Variants in NDRG3 observed in about 807,000 individuals in gnomAD.
NDRG3 encodes NDRG family member 3.
In NDRG3, 23 loss-of-function variants were observed where a neutral mutation model predicts 57.2. The ratio of observed to expected loss-of-function variants is 0.40; its 90% confidence interval spans 0.29 to 0.57. The LOEUF (loss-of-function observed/expected upper bound fraction) is 0.57, where lower values mean the gene tolerates loss of function less well. NDRG3 is among the 20% of genes least tolerant of loss of function. The pLI is 0.42. For missense variants in NDRG3, 384 were observed against 457.3 expected, an observed-to-expected ratio of 0.84 and a Z score of 1.46; for synonymous variants, 132 against 162.6, an observed-to-expected ratio of 0.81 and a Z score of 1.43.
At chr20:36,726,664 A>G (rs1984953075) in intron 1 of NDRG3, among the ~76,000 whole-genome samples, 1 of 152,184 alleles carries the variant, frequency 6.6e-6, no homozygotes, top group Non-Finnish European at 1.5e-5. Flanking sequence ...AAAGCTATTA[A>G]TATTTTCAAA....
intron 1 of NDRG3, among the ~76,000 whole-genome samples, chr20:36,737,128 A>G (rs1213674839): frequency 1.3e-5 from 2 of 152,164 alleles, no homozygotes; most frequent in Admixed American, 1.3e-4. Context: ...TATCCCTTCC[A>G]GGGTCCTGGT....
At chr20:36,717,912 T>C (rs1272642836) in intron 2 of NDRG3, among the ~76,000 whole-genome samples, 1 of 152,168 alleles carries the variant, frequency 6.6e-6, no homozygotes, top group Non-Finnish European at 1.5e-5. Context: ...TGCTAAACAT[T>C]CTACAATGCA....
At position 36,715,004 on chromosome 20, in the gene NDRG3, GTGTATATATATATATATATATATATATA is replaced by G. The variant is rs1366537901; in HGVS notation, c.57+6647_57+6674del. On this transcript the variant is annotated intron_variant, in intron 2 of 15. Transcript: ENST00000349004. ...TATCTGTGTGTGTGTGTGTGTGTGT[GTGTATATATATATATATATATATATATA>G]TATATATATATATATATATATATTA... 1.9e-3 allele frequency among the ~76,000 whole-genome samples: 61 copies of G among 32,496 alleles called. 3 individuals are homozygous for G. The highest frequency in any genetic ancestry group is 5.1e-3 in the East Asian group (3 of 586). The allele number at this position is 32,496 out of a possible 152,430, so 21.3% of individuals were successfully genotyped here.
At chr20:36,671,546 T>C (rs927779047) in intron 8 of NDRG3, 149 bp from the exon 9 acceptor site, 3 of 600,324 alleles carry the variant, frequency 5.0e-6, no homozygotes, top group Non-Finnish European at 5.9e-6. Context: ...CTCACGCCTA[T>C]AATCCCAGGA....
chr20:36,708,392 G>A (rs1983670272), intron 2 of NDRG3, among the ~76,000 whole-genome samples: 1 of 152,092 alleles, frequency 6.6e-6, no homozygotes, highest in South Asian at 2.1e-4. Context: ...ACTTATGCCT[G>A]TAATCCTAGC....
intron 3 of NDRG3, among the ~76,000 whole-genome samples, chr20:36,696,939 A>G (rs993614216): frequency 6.6e-6 from 1 of 152,174 alleles, no homozygotes; most frequent in African/African-American, 2.4e-5. Flanking sequence ...AAAGGTCCTT[A>G]TGACCCCCTG....
At chr20:36,671,266 T>C (rs981876995) in intron 9 of NDRG3, 75 bp downstream of exon 9, 3 of 1,270,080 alleles carry the variant, frequency 2.4e-6, no homozygotes, top group Non-Finnish European at 3.4e-6. Flanking sequence ...AAGGCAGCCC[T>C]TCTTTCCTAA....
At chr20:36,733,189 T>A (rs1425452310) in intron 1 of NDRG3, among the ~76,000 whole-genome samples, 2 of 56,632 alleles carry the variant, frequency 3.5e-5, no homozygotes, top group East Asian at 2.5e-4. Flanking sequence ...TATATATATA[T>A]ATATATATAT....
At chr20:36,663,233 G>A (rs1479938422) in intron 12 of NDRG3, among the ~76,000 whole-genome samples, 4 of 152,140 alleles carry the variant, frequency 2.6e-5, no homozygotes, top group South Asian at 2.1e-4. Context: ...CAACAGACAC[G>A]TAGTGTTTTA....
chr20:36,668,002 G>T (rs533876939), intron 9 of NDRG3, among the ~76,000 whole-genome samples: 1 of 152,298 alleles, frequency 6.6e-6, no homozygotes, highest in Non-Finnish European at 1.5e-5. Flanking sequence ...CACTTTAGGA[G>T]GCTGAGGCAG....
At chr20:36,671,205 T>C in intron 9 of NDRG3, 136 bp downstream of exon 9, 1 of 693,324 alleles carries the variant, frequency 1.4e-6, no homozygotes, top group Non-Finnish European at 2.5e-6. Flanking sequence ...CAGGGCCACA[T>C]GCCTTTCAGA....
At chr20:36,665,139 CA>C in intron 11 of NDRG3, 42 bp from the exon 12 acceptor site, 1 of 1,610,804 alleles carries the variant, frequency 6.2e-7, no homozygotes, top group Non-Finnish European at 8.5e-7. Flanking sequence ...CAAATAGGCA[CA>C]TAAATTCCAC....
chr20:36,738,828 A>AAG (rs1409762385), intron 1 of NDRG3, among the ~76,000 whole-genome samples: 1 of 149,262 alleles, frequency 6.7e-6, no homozygotes, highest in African/African-American at 2.5e-5. Context: ...GTCTCAAAAA[A>AAG]AAAAAAAAAA....
chr20:36,733,162 AAAAAAAAAAATATATATATATATATATAT>A (rs1238608143), intron 1 of NDRG3, among the ~76,000 whole-genome samples: 1 of 52,096 alleles, frequency 1.9e-5, no homozygotes, highest in East Asian at 2.9e-4. Flanking sequence ...AAAAAAAAAA[AAAAAAAAAAATATATATATATATATATAT>A]ATATATATAT....
At chr20:36,681,230 A>G (rs941240137) in intron 7 of NDRG3, among the ~76,000 whole-genome samples, 15 of 152,104 alleles carry the variant, frequency 9.9e-5, no homozygotes, top group Non-Finnish European at 2.1e-4. Context: ...ATGCTCATAT[A>G]TCTTTGTTCT....
intron 4 of NDRG3, among the ~76,000 whole-genome samples, chr20:36,687,968 C>T (rs941080677): frequency 6.6e-6 from 1 of 152,116 alleles, no homozygotes; most frequent in African/African-American, 2.4e-5. Flanking sequence ...CTGATTATAC[C>T]CCAAGAGCAC....
rs564350415 is a variant in NDRG3 at position 36,731,585 on chromosome 20, A to G, written c.-48-9802T>C. Among the ~76,000 whole-genome samples the G allele has an allele frequency of 4.6e-5, 7 of 151,376 alleles. No homozygotes were observed. The South Asian group carries it at 1.5e-3, about 32-fold the overall frequency. ...CACTTTGGGAGGCCGAGGCGAGTGG[A>G]TCACAAGGTCAGGAGATCGAGACCA... On this transcript the variant is annotated intron_variant, in intron 1 of 15. Transcript: ENST00000349004.
At chr20:36,673,642 G>C (rs1402680893) in intron 8 of NDRG3, among the ~76,000 whole-genome samples, 1 of 152,108 alleles carries the variant, frequency 6.6e-6, no homozygotes, top group Admixed American at 6.5e-5. Context: ...TTGAACTCCT[G>C]ACCTCAAGTG....
chr20:36,688,878 G>A (rs1013174919), intron 3 of NDRG3, 94 bp from the exon 4 acceptor site: 10 of 871,952 alleles, frequency 1.1e-5, no homozygotes, highest in African/African-American at 4.9e-5. Context: ...CGTTTCCCAC[G>A]AGCTGGGGCA....
Sources: allele counts gnomAD v4.1 joint callset (sites outside exome capture counted in the v4.1 genomes callset), GRCh38; gene constraint gnomAD v4.1.1; transcripts MANE v1.5; gene names NCBI Gene and HGNC (gene_info 2026-07-23, HGNC 2026-07-21).